MROH9: variants seen among roughly 807,000 people sequenced by gnomAD.
The protein encoded by MROH9 is maestro heat-like repeat-containing protein family member 9.
Under a neutral mutation model 98.2 loss-of-function variants are expected in MROH9, and 92 were observed. The observed-to-expected ratio is 0.94, with a 90% CI of 0.79 to 1.11. MROH9 has a LOEUF of 1.11. Among genes scored for constraint, MROH9 ranks in the 50% most tolerant of loss-of-function variants. The probability of loss-of-function intolerance (pLI) is 0.00; values close to 1 mark genes in which losing one functional copy is unlikely to be tolerated. For synonymous variants in MROH9, 397 were observed against 368.9 expected, an observed-to-expected ratio of 1.08 and a Z score of -0.87; for missense variants, 1,057 against 1,014.8, an observed-to-expected ratio of 1.04 and a Z score of -0.57.
intron 1 of MROH9, among the ~76,000 whole-genome samples, chr1:170,939,276 G>T (rs944035911): frequency 3.3e-5 from 5 of 152,162 alleles, no homozygotes; most frequent in African/African-American, 1.2e-4. Flanking sequence ...CACACATCTG[G>T]CTATTTCTCC....
chr1:170,960,999 T>C (rs867113949), intron 5 of MROH9, among the ~76,000 whole-genome samples: 2 of 152,202 alleles, frequency 1.3e-5, no homozygotes, highest in Non-Finnish European at 2.9e-5. Flanking sequence ...AGTCACGTCA[T>C]GCTTGAGTCT....
At chr1:170,937,816 C>A (rs956892039) in intron 1 of MROH9, among the ~76,000 whole-genome samples, 18 of 152,286 alleles carry the variant, frequency 1.2e-4, no homozygotes, top group Non-Finnish European at 2.5e-4. Flanking sequence ...AGCCACCGCG[C>A]CCGGCCCATA....
chr1:171,028,835 T>C (rs760147942), intron 20 of MROH9, among the ~76,000 whole-genome samples: 1 of 152,242 alleles, frequency 6.6e-6, no homozygotes, highest in South Asian at 2.1e-4. Flanking sequence ...GTGTCTATCA[T>C]TGGTGTAAAT....
At chr1:170,936,602 A>G (rs924335342) in intron 1 of MROH9, among the ~76,000 whole-genome samples, 10 of 152,210 alleles carry the variant, frequency 6.6e-5, no homozygotes, top group African/African-American at 2.4e-4. Context: ...GACACGTAAT[A>G]TTAACTAACC....
chr1:171,025,476 A>T, intron 20 of MROH9, 56 bp downstream of exon 20: 2 of 1,119,660 alleles, frequency 1.8e-6, no homozygotes, highest in South Asian at 2.8e-5. Context: ...TAGAATGGAG[A>T]AGAAACTAAA....
intron 20 of MROH9, among the ~76,000 whole-genome samples, chr1:171,043,973 T>C (rs1653385651): frequency 6.6e-6 from 1 of 152,186 alleles, no homozygotes; most frequent in African/African-American, 2.4e-5. Context: ...TTCTCTTATC[T>C]GATTGCTCTA....
intron 15 of MROH9, among the ~76,000 whole-genome samples, chr1:171,007,460 T>C (rs1349043010): frequency 6.6e-6 from 1 of 152,128 alleles, no homozygotes; most frequent in East Asian, 1.9e-4. Flanking sequence ...AGACAATGAC[T>C]AGCAAGGATA....
intron 20 of MROH9, among the ~76,000 whole-genome samples, chr1:171,048,954 A>G (rs1403302356): frequency 6.6e-6 from 1 of 152,138 alleles, no homozygotes; most frequent in Non-Finnish European, 1.5e-5. Context: ...GGGAACTAGG[A>G]CCTGGAACAG....
intron 3 of MROH9, among the ~76,000 whole-genome samples, chr1:170,956,962 T>C (rs1391199074): frequency 6.6e-6 from 1 of 152,052 alleles, no homozygotes; most frequent in Non-Finnish European, 1.5e-5. Context: ...TTGTATGTAT[T>C]TTTTGGAAAA....
intron 20 of MROH9, among the ~76,000 whole-genome samples, chr1:171,051,092 A>T (rs1653650491): frequency 6.6e-6 from 1 of 152,192 alleles, no homozygotes; most frequent in Admixed American, 6.5e-5. Context: ...TCAACAAAAG[A>T]TGCCAGTGAG....
At chr1:171,014,066 C>A (rs912315917) in intron 15 of MROH9, 51 bp from the exon 16 acceptor site, 11 of 1,436,792 alleles carry the variant, frequency 7.7e-6, no homozygotes, top group Non-Finnish European at 1.0e-5. Context: ...TGACAGAAAT[C>A]GTGCAGTGGC....
At chr1:171,020,868 C>A (rs1056061024) in intron 17 of MROH9, among the ~76,000 whole-genome samples, 1 of 152,070 alleles carries the variant, frequency 6.6e-6, no homozygotes, top group African/African-American at 2.4e-5. Flanking sequence ...AACCCCATCA[C>A]CTCAGCCCCA....
At chr1:171,017,422 A>C (rs1652361240) in intron 17 of MROH9, among the ~76,000 whole-genome samples, 1 of 151,806 alleles carries the variant, frequency 6.6e-6, no homozygotes, top group African/African-American at 2.4e-5. Context: ...TGTTTTTTCC[A>C]CGAAAATCCC....
chr1:171,010,431 T>C (rs985201361), intron 15 of MROH9, among the ~76,000 whole-genome samples: 2 of 152,340 alleles, frequency 1.3e-5, no homozygotes, highest in Admixed American at 6.5e-5. Context: ...GAATGACTTA[T>C]AATCCTTTGG....
At chr1:171,015,201 T>A (rs1652287362) in intron 16 of MROH9, 1 of 380,524 alleles carries the variant, frequency 2.6e-6, no homozygotes, top group Non-Finnish European at 5.2e-6. Context: ...GCATTTAGAA[T>A]GACATAAGCC....
In MROH9 at chr1:171,024,773, G is replaced by A. The variant is rs758848034; in HGVS notation, c.2178+8G>A. 1 of 1,491,702 alleles carries A rather than the reference G, an allele frequency of 6.7e-7. No homozygotes were observed. The highest frequency in any genetic ancestry group is 1.4e-5 in the African/African-American group (1 of 71,780). The allele number at this position is 1,491,702 out of a possible 1,614,324, so 92.4% of individuals were successfully genotyped here. A position where few individuals can be genotyped will look rare whatever the true frequency, so the allele number is the denominator to read the frequency against. ...AATATCTGTAACAATCTTGTAAGTGGCCCTTCCATTTTTACTACTATAAGA... is the reference window on the plus strand; with the variant it reads ...AATATCTGTAACAATCTTGTAAGTGACCCTTCCATTTTTACTACTATAAGA... On this transcript the variant is annotated splice_region_variant and intron_variant, in intron 19 of 21. Coordinates refer to ENST00000367759, the MANE Select transcript of MROH9 (RefSeq NM_001163629.2).
At chr1:170,961,006 G>C (rs28740975) in intron 5 of MROH9, among the ~76,000 whole-genome samples, 6,658 of 152,150 alleles carry the variant, frequency 0.044, 446 homozygotes, top group African/African-American at 0.14. Context: ...TCATGCTTGA[G>C]TCTTCTCCAA....
At chr1:170,937,967 G>A (rs920618832) in intron 1 of MROH9, among the ~76,000 whole-genome samples, 1 of 152,122 alleles carries the variant, frequency 6.6e-6, no homozygotes, top group South Asian at 2.1e-4. Context: ...CCTGCACTGG[G>A]TGGTTGTAGT....
intron 1 of MROH9, among the ~76,000 whole-genome samples, chr1:170,938,246 C>T (rs1648978432): frequency 6.6e-6 from 1 of 152,068 alleles, no homozygotes; most frequent in African/African-American, 2.4e-5. Context: ...AGAATTCTTC[C>T]CTCCAGAACT....
Sources: gnomAD v4.1 joint callset for allele counts (sites outside exome capture counted in the v4.1 genomes callset) on GRCh38, gnomAD v4.1.1 for gene constraint, MANE v1.5 for transcripts, NCBI Gene and HGNC (gene_info 2026-07-23, HGNC 2026-07-21) for gene names.